GFOD1: variants seen among roughly 807,000 people sequenced by gnomAD.
GFOD1 encodes Gfo/Idh/MocA-like oxidoreductase domain containing 1.
GFOD1 carries 9 observed loss-of-function variants against 25.4 expected under a neutral mutation model. The ratio of observed to expected loss-of-function variants is 0.35; its 90% CI spans 0.21 to 0.62. GFOD1 has a LOEUF of 0.62. Among genes scored for constraint, GFOD1 ranks in the 20% least tolerant of loss-of-function variants. GFOD1 has a pLI of 0.72. For synonymous variants in GFOD1, 253 were observed against 245.6 expected (o/e 1.03, Z -0.28); for missense variants, 403 against 556.9 (o/e 0.72, Z 2.78).
chr6:13,372,548 G>GATCCACCAAATAGCAACA (rs1785173133), intron 1 of GFOD1, among the ~76,000 whole-genome samples: 2 of 152,176 alleles, frequency 1.3e-5, no homozygotes, highest in Non-Finnish European at 2.9e-5. Context: ...TGGTGGGGCT[G>GATCCACCAAATAGCAACA]ACACTTGATC....
Position 13,364,775 on chromosome 6 carries a change from T to G in GFOD1, c.1141A>C (p.Met381Leu). The G allele has an allele frequency of 6.2e-7, 1 of 1,613,596 alleles. No individual in the cohort carries two copies. Among genetic ancestry groups the G allele is most frequent in the East Asian group, 2.2e-5 (1 of 44,862 alleles). Residue 381 changes from methionine to leucine, a missense_variant, in exon 2 of 2, where the codon ATG (methionine) becomes CTG (leucine). By Grantham distance (15) the Met-to-Leu change is conservative. Transcript: ENST00000379287. The surrounding 1 kb of genome is among the most constrained non-coding windows in gnomAD (Gnocchi z 4.1). The stretch of plus-strand genomic sequence containing the variant: ...TAGAGGGACATCCTGCTGCGGCGCA[T>G]GGCCTCGCTGATCAGGTAGGCGGGG... ...LSPAYLISEA[M>L]RRSRMSLYC is the part of the protein sequence containing the mutation.
chr6:13,418,564 G>A (rs1320997178), intron 1 of GFOD1, among the ~76,000 whole-genome samples: 1 of 152,148 alleles, frequency 6.6e-6, no homozygotes, highest in Non-Finnish European at 1.5e-5. Context: ...GTGACACATG[G>A]GAGCTTGCTC....
intron 1 of GFOD1, among the ~76,000 whole-genome samples, chr6:13,447,706 A>G (rs1758025789): frequency 8.4e-6 from 1 of 119,478 alleles, no homozygotes; most frequent in South Asian, 3.0e-4. Flanking sequence ...GTGCAATTGC[A>G]CTCCAGCCTG....
chr6:13,415,131 TC>T (rs1786141921), intron 1 of GFOD1, among the ~76,000 whole-genome samples: 1 of 152,154 alleles, frequency 6.6e-6, no homozygotes, highest in African/African-American at 2.4e-5. Flanking sequence ...TCCAGATTCC[TC>T]CCCAGCACTC....
At chr6:13,386,037 A>G (rs1164154930) in intron 1 of GFOD1, among the ~76,000 whole-genome samples, 1 of 148,710 alleles carries the variant, frequency 6.7e-6, no homozygotes, top group Non-Finnish European at 1.5e-5. Flanking sequence ...CTGTTGCCCC[A>G]GGCCAGGGAG....
intron 1 of GFOD1, among the ~76,000 whole-genome samples, chr6:13,404,429 T>C (rs1241878810): frequency 6.6e-6 from 1 of 152,242 alleles, no homozygotes; most frequent in Non-Finnish European, 1.5e-5. Context: ...GATGAAGTTT[T>C]ATAAATCCTT....
intron 1 of GFOD1, among the ~76,000 whole-genome samples, chr6:13,399,505 T>A (rs564361): frequency 0.57 from 86,718 of 152,158 alleles, 28,602 homozygotes; most frequent in Non-Finnish European, 0.73. Context: ...AATAGATAAA[T>A]AAATTGTGAT....
intron 1 of GFOD1, among the ~76,000 whole-genome samples, chr6:13,445,278 C>T (rs1054616919): frequency 6.6e-6 from 1 of 152,168 alleles, no homozygotes; most frequent in Non-Finnish European, 1.5e-5. Flanking sequence ...GCTCGTTGAG[C>T]ACCACTTCTC....
rs1160382050 is a variant in GFOD1, at chr6:13,475,254, A to G, written c.253+11384T>C. Among the ~76,000 whole-genome samples the G allele has an allele frequency of 2.0e-5, 3 of 152,214 alleles. No individual in the cohort carries two copies. In the East Asian group the frequency reaches 5.8e-4, roughly 29 times the overall value. On this transcript the variant is annotated intron_variant, in intron 1 of 1. Transcript: ENST00000379287. ...CAAAGTCCTAACAAGATACTTCTAC[A>G]TACCAACTATAATGGCTATGATCAA...
At chr6:13,409,443 C>T (rs926428040) in intron 1 of GFOD1, among the ~76,000 whole-genome samples, 2 of 152,018 alleles carry the variant, frequency 1.3e-5, no homozygotes, top group Non-Finnish European at 2.9e-5. Context: ...AATGAAATGC[C>T]TCCAAACCCA....
chr6:13,395,788 T>G (rs940785142), intron 1 of GFOD1, among the ~76,000 whole-genome samples: 12 of 152,272 alleles, frequency 7.9e-5, no homozygotes, highest in Admixed American at 3.9e-4. Context: ...CTACGGCCAC[T>G]CCACCGTGCA....
intron 1 of GFOD1, among the ~76,000 whole-genome samples, chr6:13,415,503 C>T (rs1420847120): frequency 6.6e-6 from 1 of 152,184 alleles, no homozygotes; most frequent in Non-Finnish European, 1.5e-5. Context: ...CTACTGGGCA[C>T]GGTCCAGACC....
At chr6:13,382,820 C>T (rs1448474357) in intron 1 of GFOD1, among the ~76,000 whole-genome samples, 1 of 152,158 alleles carries the variant, frequency 6.6e-6, no homozygotes, top group African/African-American at 2.4e-5. Flanking sequence ...CTCCCTCCCC[C>T]AACCCTACTC....
intron 1 of GFOD1, among the ~76,000 whole-genome samples, chr6:13,458,939 G>C (rs912126947): frequency 6.6e-6 from 1 of 152,068 alleles, no homozygotes; most frequent in African/African-American, 2.4e-5. Flanking sequence ...CAAGAAGAAA[G>C]GCACATGCAG....
intron 1 of GFOD1, among the ~76,000 whole-genome samples, chr6:13,483,490 T>G (rs1758799552): frequency 6.6e-6 from 1 of 152,046 alleles, no homozygotes; most frequent in African/African-American, 2.4e-5. Context: ...GGGGAAACGA[T>G]GACATGACCA....
rs1293227408 is a variant in GFOD1, at chr6:13,360,551, A to T, written c.*4192T>A. ...GGCCATCTATAATAGTCAGCCAACA[A>T]GATTTTGAAAATCCCCAGCCCTGAG... On this transcript the variant is annotated 3_prime_UTR_variant, in exon 2 of 2. Transcript: ENST00000379287. The T allele has an allele frequency of 2.7e-6, 1 of 375,180 alleles. No homozygotes were observed. Among genetic ancestry groups the T allele is most frequent in the African/African-American group, 2.1e-5 (1 of 47,524 alleles). 23.2% of individuals were successfully genotyped at this position (375,180 alleles called of 1,614,324 possible).
Position 13,470,305 on chromosome 6 carries a change from C to G in GFOD1, c.253+16333G>C, listed in dbSNP as rs376470854. On this transcript the variant is annotated intron_variant, in intron 1 of 1. Coordinates refer to ENST00000379287, the MANE Select transcript of GFOD1 (RefSeq NM_018988.4). ...TGCCAGCAGGCTGTGGCTGGAGGCC[C>G]GCTGCATTCAGGCAAGAATGTGCAG... is the stretch of plus-strand genomic sequence containing the variant. 4 of 1,583,580 alleles carry G rather than the reference C, an allele frequency of 2.5e-6. No homozygotes were observed. In the African/African-American group the frequency reaches 5.4e-5, roughly 21 times the overall value.
At chr6:13,475,026 G>C (rs961957129) in intron 1 of GFOD1, among the ~76,000 whole-genome samples, 1 of 152,080 alleles carries the variant, frequency 6.6e-6, no homozygotes, top group Admixed American at 6.6e-5. Context: ...AAAACTCTAC[G>C]CCTTCCCCCA....
At position 13,365,095 on chromosome 6, in the gene GFOD1, T is replaced by A. The variant is rs1482107838; in HGVS notation, c.821A>T (p.Glu274Val). The change falls in exon 2 of 2, where the codon GAG (glutamate) becomes GTG (valine). Residue 274 changes from glutamate to valine, a missense_variant. Glu to Val is a moderately radical substitution (Grantham distance 121). Transcript: ENST00000379287. The surrounding 1 kb of genome is among the most constrained non-coding windows in gnomAD (Gnocchi z 9.2). ...DLYGQRNSAP[E>V]QELLVQDATP... The stretch of plus-strand genomic sequence containing the variant: ...GGCGTCCTGCACCAGCAGCTCCTGC[T>A]CCGGGGCGCTGTTGCGCTGCCCGTA... 1 of 1,612,442 alleles carries A rather than the reference T, an allele frequency of 6.2e-7. No individual in the cohort carries two copies. Among genetic ancestry groups the A allele is most frequent in the Non-Finnish European group, 8.5e-7 (1 of 1,179,814 alleles).
Sources: allele counts gnomAD v4.1 joint callset (sites outside exome capture counted in the v4.1 genomes callset), GRCh38; gene constraint gnomAD v4.1.1; non-coding constraint Gnocchi (gnomAD v3.1); transcripts MANE v1.5; gene names NCBI Gene and HGNC (gene_info 2026-07-23, HGNC 2026-07-21).